Variants in KALRN observed in about 807,000 individuals in gnomAD.
The protein encoded by KALRN is kalirin RhoGEF kinase.
In KALRN, 70 loss-of-function variants were observed where a neutral mutation model predicts 353.7. The ratio of observed to expected loss-of-function variants is 0.20; its 90% CI spans 0.16 to 0.24. The LOEUF is 0.24. Ranked by LOEUF, KALRN falls within the 10% of genes least tolerant of loss-of-function variation. The probability of loss-of-function intolerance (pLI) is 1.00; values close to 1 mark genes in which losing one functional copy is unlikely to be tolerated. For missense variants in KALRN, 2,791 were observed against 3,756.7 expected, an observed-to-expected ratio of 0.74 and a Z score of 6.72; for synonymous variants, 1,391 against 1,434.8, an observed-to-expected ratio of 0.97 and a Z score of 0.69.
rs1579115647 is a variant in KALRN, at chr3:124,724,541, A to G, written c.*5071A>G. 1 of 152,348 alleles carries G rather than the reference A, an allele frequency of 6.6e-6. No homozygotes were observed. Among genetic ancestry groups the G allele is most frequent in the South Asian group, 2.1e-4 (1 of 4,828 alleles). 9.4% of individuals were successfully genotyped at this position (152,348 alleles called of 1,614,324 possible). A position where few individuals can be genotyped will look rare whatever the true frequency, so the allele number is the denominator to read the frequency against. On this transcript the variant is annotated 3_prime_UTR_variant, in exon 60 of 60. Coordinates refer to ENST00000682506, the MANE Select transcript of KALRN (RefSeq NM_001388419.1). ...TGGGCTTAGAGACGACAGAGCTCACACACGCTCCATCAAGAAAAGGAAAGC... is the reference window on the plus strand; with the variant it reads ...TGGGCTTAGAGACGACAGAGCTCACGCACGCTCCATCAAGAAAAGGAAAGC...
chr3:124,512,198 C>A (rs2065982828), intron 33 of KALRN, among the ~76,000 whole-genome samples: 1 of 152,242 alleles, frequency 6.6e-6, no homozygotes, highest in South Asian at 2.1e-4. Context: ...GATATTTTCC[C>A]TGGCCATTAG....
intron 1 of KALRN, among the ~76,000 whole-genome samples, chr3:124,131,955 C>T (rs1050816203): frequency 3.2e-4 from 48 of 152,180 alleles, no homozygotes; most frequent in African/African-American, 1.1e-3. Context: ...TAACTTCCTC[C>T]ATGTCTTCCC....
At chr3:124,692,383 C>T (rs2061859929) in intron 51 of KALRN, among the ~76,000 whole-genome samples, 1 of 152,126 alleles carries the variant, frequency 6.6e-6, no homozygotes, top group South Asian at 2.1e-4. Context: ...CAAAGGGGAA[C>T]GCAAAGAAGG....
At position 124,725,309 on chromosome 3, in the gene KALRN, T is replaced by C. The variant is rs748369168; in HGVS notation, c.*5839T>C. On this transcript the variant is annotated 3_prime_UTR_variant, in exon 60 of 60. Coordinates refer to ENST00000682506, the MANE Select transcript of KALRN (RefSeq NM_001388419.1). ...TCTGACCCTGGTGCTTTTACTTCTG[T>C]TTCTGCCAAACTTCAGCCTACTCTA... The C allele has an allele frequency of 3.9e-5, 6 of 152,222 alleles. No individual in the cohort carries two copies. The highest frequency in any genetic ancestry group is 8.8e-5 in the Non-Finnish European group (6 of 68,032). 9.4% of individuals were successfully genotyped at this position (152,222 alleles called of 1,614,324 possible).
chr3:124,299,608 A>G (rs1411506382), intron 6 of KALRN, among the ~76,000 whole-genome samples: 1 of 152,174 alleles, frequency 6.6e-6, no homozygotes, highest in Non-Finnish European at 1.5e-5. Context: ...TTACCTCTCT[A>G]TGCTTCAGTT....
chr3:124,248,693 C>G (rs1283792939), intron 3 of KALRN, among the ~76,000 whole-genome samples: 3 of 152,214 alleles, frequency 2.0e-5, no homozygotes, highest in Non-Finnish European at 4.4e-5. Flanking sequence ...CCTCCTTCCT[C>G]TCTGCATTTC....
intron 13 of KALRN, 50 bp downstream of exon 13, chr3:124,398,921 T>C: frequency 3.9e-6 from 6 of 1,546,976 alleles, no homozygotes; most frequent in Non-Finnish European, 5.2e-6. Context: ...AAGTGCTTCC[T>C]GGCCAAGGGC....
intron 34 of KALRN, among the ~76,000 whole-genome samples, chr3:124,591,028 C>T (rs1240954157): frequency 1.3e-5 from 2 of 152,140 alleles, no homozygotes; most frequent in Non-Finnish European, 2.9e-5. Flanking sequence ...AGAGATAGTA[C>T]CCAAACTCTA....
At chr3:124,206,604 C>T (rs1258655881) in intron 1 of KALRN, among the ~76,000 whole-genome samples, 1 of 152,174 alleles carries the variant, frequency 6.6e-6, no homozygotes, top group Admixed American at 6.5e-5. Context: ...ATAGGGTTTT[C>T]TGGGTAGTGT....
chr3:124,347,373 G>C, intron 10 of KALRN, 108 bp downstream of exon 10: 1 of 991,898 alleles, frequency 1.0e-6, no homozygotes, highest in Non-Finnish European at 1.3e-6. Context: ...GTGAGAAGCT[G>C]TGTGTGTGTG....
intron 10 of KALRN, among the ~76,000 whole-genome samples, chr3:124,357,976 A>G (rs2083607823): frequency 6.6e-6 from 1 of 152,198 alleles, no homozygotes; most frequent in Admixed American, 6.5e-5. Flanking sequence ...TAAGAGAGGT[A>G]GATCAGATGA....
At chr3:124,446,916 C>A (rs200094624) in intron 21 of KALRN, 31 bp downstream of exon 21, 13 of 1,604,230 alleles carry the variant, frequency 8.1e-6, no homozygotes, top group Non-Finnish European at 1.1e-5. Flanking sequence ...TCCCCCAGAT[C>A]CACCCAGAAC....
chr3:124,104,408 G>A (rs965075661), intron 1 of KALRN, among the ~76,000 whole-genome samples: 1 of 152,146 alleles, frequency 6.6e-6, no homozygotes, highest in Non-Finnish European at 1.5e-5. Context: ...GAGAGAACAG[G>A]GTTAAGCTTT....
intron 10 of KALRN, among the ~76,000 whole-genome samples, chr3:124,375,614 T>G (rs1450603703): frequency 1.3e-5 from 2 of 152,206 alleles, no homozygotes; most frequent in East Asian, 3.9e-4. Flanking sequence ...GGACCTGGTG[T>G]TATCTGTCAA....
At chr3:124,157,318 C>T (rs943446008) in intron 1 of KALRN, among the ~76,000 whole-genome samples, 2 of 152,118 alleles carry the variant, frequency 1.3e-5, no homozygotes, top group African/African-American at 4.8e-5. Flanking sequence ...GCTCTTTGTT[C>T]GTGTAGACAG....
At chr3:124,232,719 G>C (rs1240813967) in intron 2 of KALRN, among the ~76,000 whole-genome samples, 1 of 152,052 alleles carries the variant, frequency 6.6e-6, no homozygotes, top group East Asian at 1.9e-4. Flanking sequence ...TCTGGATGTG[G>C]GGAATTAGAA....
At chr3:124,329,731 C>G in intron 7 of KALRN, 130 bp from the exon 8 acceptor site, 1 of 1,011,382 alleles carries the variant, frequency 9.9e-7, no homozygotes, top group Non-Finnish European at 1.5e-6. Flanking sequence ...ACTCTACCCT[C>G]TACAGTGGTC....
intron 1 of KALRN, among the ~76,000 whole-genome samples, chr3:124,126,549 A>G (rs2064697721): frequency 6.6e-6 from 1 of 152,192 alleles, no homozygotes. Flanking sequence ...TAAATCCAAG[A>G]TGGTGGACAT....
intron 10 of KALRN, among the ~76,000 whole-genome samples, chr3:124,348,604 T>C (rs1379172748): frequency 6.6e-6 from 1 of 152,150 alleles, no homozygotes; most frequent in African/African-American, 2.4e-5. Flanking sequence ...GAATGTAAAA[T>C]GGTGCAGCCA....
Sources: allele counts gnomAD v4.1 joint callset (sites outside exome capture counted in the v4.1 genomes callset), GRCh38; gene constraint gnomAD v4.1.1; transcripts MANE v1.5; gene names NCBI Gene and HGNC (gene_info 2026-07-23, HGNC 2026-07-21).